The following CMTM4 variants were observed in gnomAD, a reference collection of about 807,000 sequenced individuals.
The protein encoded by CMTM4 is CKLF like MARVEL transmembrane domain containing 4.
A neutral mutation model predicts 19.0 loss-of-function variants in CMTM4; 8 were observed. The ratio of observed to expected loss-of-function variants is 0.42; its 90% CI spans 0.25 to 0.76. The LOEUF is 0.76. CMTM4 is among the 30% of genes least tolerant of loss of function. CMTM4 has a pLI of 0.27. For missense variants in CMTM4, 228 were observed against 290.2 expected, an observed-to-expected ratio of 0.79 and a Z score of 1.56; for synonymous variants, 106 against 121.1, an observed-to-expected ratio of 0.88 and a Z score of 0.82.
chr16:66,604,619 G>A, the CMTM4 span: 212 of 405,284 alleles, frequency 5.2e-4, 1 homozygote, highest in African/African-American at 4.0e-3. Context: ...CCCCGCAGCC[G>A]GGGTCCGAGG....
At chr16:66,688,979 G>A (rs2017087952) in intron 1 of CMTM4, among the ~76,000 whole-genome samples, 3 of 152,048 alleles carry the variant, frequency 2.0e-5, no homozygotes, top group African/African-American at 4.8e-5. Flanking sequence ...ATTGGTTATC[G>A]TGTGTTGACC....
chr16:66,655,239 G>A (rs1389088929), intron 1 of CMTM4, among the ~76,000 whole-genome samples: 1 of 152,146 alleles, frequency 6.6e-6, no homozygotes, highest in Non-Finnish European at 1.5e-5. Flanking sequence ...CCAAAGTGCT[G>A]AGATTACAGG....
intron 1 of CMTM4, among the ~76,000 whole-genome samples, chr16:66,641,950 ATG>A (rs2016103968): frequency 6.6e-6 from 1 of 152,220 alleles, no homozygotes; most frequent in Non-Finnish European, 1.5e-5. Flanking sequence ...ATGTATTCAT[ATG>A]TAATTACATA....
rs1396513952 is a variant in CMTM4, at chr16:66,636,566, C to T, written c.202G>A (p.Ala68Thr). 1.9e-6 allele frequency: 3 copies of T among 1,613,908 alleles called. No individual in the cohort carries two copies. Among genetic ancestry groups the T allele is most frequent in the Non-Finnish European group, 2.5e-6 (3 of 1,179,940 alleles). The change falls in exon 2 of 4, where the codon GCA becomes ACA. Residue 68 changes from alanine (A) to threonine (T), a missense_variant. Around this residue, in one of 3 missense-constraint regions of CMTM4, gnomAD observed 200 missense variants for 226.6 expected, o/e 0.88. Transcript: ENST00000394106. ...KVAQVILALI[A>T]FICIETIMAC... is the part of the protein sequence containing the mutation. ...ATGATGGTCTCTATGCAGATGAATG[C>T]AATCAGGGCCAAGATCTAGGAAGAA... is the stretch of plus-strand genomic sequence containing the variant.
intron 1 of CMTM4, among the ~76,000 whole-genome samples, chr16:66,658,444 C>T (rs989250501): frequency 1.3e-5 from 2 of 152,178 alleles, no homozygotes; most frequent in Non-Finnish European, 2.9e-5. Flanking sequence ...CCATTCGAGT[C>T]GCACTTCCTC....
At chr16:66,665,931 G>A (rs1347940390) in intron 1 of CMTM4, among the ~76,000 whole-genome samples, 2 of 151,818 alleles carry the variant, frequency 1.3e-5, no homozygotes, top group East Asian at 3.9e-4. Flanking sequence ...AATTAGCAGG[G>A]CATCATGGCA....
At chr16:66,640,634 A>C (rs1234345472) in intron 1 of CMTM4, among the ~76,000 whole-genome samples, 1 of 152,214 alleles carries the variant, frequency 6.6e-6, no homozygotes, top group Non-Finnish European at 1.5e-5. Context: ...AGTGAGGACA[A>C]GGGCAGAAGC....
intron 2 of CMTM4, among the ~76,000 whole-genome samples, chr16:66,628,667 T>C (rs1236312582): frequency 6.6e-6 from 1 of 152,186 alleles, no homozygotes; most frequent in East Asian, 1.9e-4. Context: ...CAGGTAAAAA[T>C]GGAATTTCTT....
At position 66,619,739 on chromosome 16, in the gene CMTM4, G is replaced by C. The variant is rs1179644467; in HGVS notation, c.*2319C>G. 2.0e-6 allele frequency: 2 copies of C among 985,138 alleles called. No individual in the cohort carries two copies. The highest frequency in any genetic ancestry group is 1.2e-4 in the Admixed American group (2 of 16,246). The allele number at this position is 985,138 out of a possible 1,614,324, so 61.0% of individuals were successfully genotyped here. On this transcript the variant is annotated 3_prime_UTR_variant, in exon 4 of 4. Coordinates refer to ENST00000394106, the MANE Select transcript of CMTM4 (RefSeq NM_181521.3). ...AGAAAGCGTCCATAGCACCACTTCC[G>C]GTTCTAGTGGGAGTTAATTAAATAC...
chr16:66,695,507 T>C (rs2017217438), intron 1 of CMTM4, among the ~76,000 whole-genome samples: 1 of 152,074 alleles, frequency 6.6e-6, no homozygotes. Flanking sequence ...AGCTAAGCAA[T>C]TGCCCGCAGA....
At chr16:66,659,469 T>C (rs355956) in intron 1 of CMTM4, among the ~76,000 whole-genome samples, 7,424 of 151,314 alleles carry the variant, frequency 0.049, 296 homozygotes, top group East Asian at 0.11. Flanking sequence ...AGCAAACAAA[T>C]GACATAAAGG....
intron 1 of CMTM4, among the ~76,000 whole-genome samples, chr16:66,671,878 T>C (rs2016714239): frequency 6.6e-6 from 1 of 151,166 alleles, no homozygotes. Context: ...AAAAAAAAAT[T>C]AGCCAGGAGT....
chr16:66,694,905 C>T (rs1181447762), intron 1 of CMTM4, among the ~76,000 whole-genome samples: 1 of 152,054 alleles, frequency 6.6e-6, no homozygotes, highest in Non-Finnish European at 1.5e-5. Context: ...TTCAAAAATA[C>T]CCTCTGGCAG....
intron 1 of CMTM4, among the ~76,000 whole-genome samples, chr16:66,663,015 C>T (rs1237552719): frequency 3.3e-5 from 5 of 152,066 alleles, no homozygotes; most frequent in South Asian, 2.1e-4. Flanking sequence ...TGGCATATAC[C>T]GAGCAAAGAT....
chr16:66,656,364 G>A (rs2016397498), intron 1 of CMTM4, among the ~76,000 whole-genome samples: 1 of 152,006 alleles, frequency 6.6e-6, no homozygotes, highest in African/African-American at 2.4e-5. Context: ...TTTTGTTGTT[G>A]TTATTGTTGT....
chr16:66,629,949 T>C (rs2015816709), intron 2 of CMTM4, among the ~76,000 whole-genome samples: 1 of 152,132 alleles, frequency 6.6e-6, no homozygotes, highest in Non-Finnish European at 1.5e-5. Flanking sequence ...TGTTCCTGAG[T>C]TGTATCGTTT....
chr16:66,621,565 G>A lies in CMTM4; in HGVS notation c.*493C>T. The A allele has an allele frequency of 1.0e-6, 1 of 988,956 alleles. No homozygotes were observed. Among genetic ancestry groups the A allele is most frequent in the Non-Finnish European group, 1.2e-6 (1 of 831,722 alleles). The allele number at this position is 988,956 out of a possible 1,614,324, so 61.3% of individuals were successfully genotyped here. ...TGTGGCCTTTGGGCTGGTGCTGGCTGCCTGGGGGCCCTGGCATGGAAGATG... is the reference window on the plus strand; with the variant it reads ...TGTGGCCTTTGGGCTGGTGCTGGCTACCTGGGGGCCCTGGCATGGAAGATG... On this transcript the variant is annotated 3_prime_UTR_variant, in exon 4 of 4. Transcript: ENST00000394106.
rs1186473585 is a variant in CMTM4, at chr16:66,622,197, G to A, written c.488C>T (p.Ala163Val). The A allele has an allele frequency of 6.2e-7, 1 of 1,613,804 alleles. No homozygotes were observed. Among genetic ancestry groups the A allele is most frequent in the African/African-American group, 1.3e-5 (1 of 74,918 alleles). ...AVIFGFLATA[A>V]YAVNTFLAVQ... ...TGCCAGGAATGTGTTCACTGCATATGCCGCAGTCGCCAAGAAGCCAAATAT... is the reference window on the plus strand; with the variant it reads ...TGCCAGGAATGTGTTCACTGCATATACCGCAGTCGCCAAGAAGCCAAATAT... The change falls in exon 4 of 4, where the codon GCA becomes GTA. Residue 163 changes from alanine to valine, a missense_variant. Transcript: ENST00000394106. The surrounding 1 kb of genome is among the most constrained non-coding windows in gnomAD (Gnocchi z 4.0).
Position 66,617,334 on chromosome 16 carries a change from T to TGTTAC in CMTM4, c.*4719_*4723dup, listed in dbSNP as rs1567400292. The TGTTAC allele has an allele frequency of 6.2e-7, 1 of 1,613,998 alleles. No individual in the cohort carries two copies. The highest frequency in any genetic ancestry group is 2.2e-5 in the East Asian group (1 of 44,874). Reference sequence around the variant, plus strand: ...GGTTTGTGGGTGATTTTTTCCTTACTGTTACGTTTGTGGAGTAGGAAAAAC... The same window carrying TGTTAC: ...GGTTTGTGGGTGATTTTTTCCTTACTGTTACGTTACGTTTGTGGAGTAGGAAAAAC... On this transcript the variant is annotated 3_prime_UTR_variant, in exon 4 of 4. Coordinates refer to ENST00000394106, the MANE Select transcript of CMTM4 (RefSeq NM_181521.3).
Sources: allele counts gnomAD v4.1 joint callset (sites outside exome capture counted in the v4.1 genomes callset), GRCh38; gene constraint gnomAD v4.1.1; regional missense constraint gnomAD v4.1.1; non-coding constraint Gnocchi (gnomAD v3.1); transcripts MANE v1.5; gene names NCBI Gene and HGNC (gene_info 2026-07-23, HGNC 2026-07-21).